The following SCGB3A1 variants were observed in gnomAD, a reference collection of about 807,000 sequenced individuals.
The protein encoded by SCGB3A1 is cytokine HIN-1.
In SCGB3A1, 7 loss-of-function variants were observed where a neutral mutation model predicts 7.6. The observed-to-expected ratio is 0.93, with a 90% CI of 0.53 to 1.74. The LOEUF (loss-of-function observed/expected upper bound fraction) is 1.74. Among genes scored for constraint, SCGB3A1 ranks in the 40% most tolerant of loss-of-function variants. SCGB3A1 has a pLI of 0.00. For synonymous variants in SCGB3A1, 67 were observed against 66.6 expected (o/e 1.01, Z -0.03); for missense variants, 119 against 129.0 (o/e 0.92, Z 0.38).
chr5:180,591,186 T>G, intron 1 of SCGB3A1: 1 of 401,264 alleles, frequency 2.5e-6, no homozygotes, highest in Non-Finnish European at 4.3e-6. Context: ...CAGACGGGTG[T>G]CCCCAGGCCA....
At position 180,591,241 on chromosome 5, in the gene SCGB3A1, G is replaced by C. The variant is rs575858555; in HGVS notation, c.52+170C>G. The stretch of plus-strand genomic sequence containing the variant: ...CACGAGGCTGGAGACAGCCCTGAGA[G>C]GGGGAGGCCGCGGGCTGCAGGCGCG... On this transcript the variant is annotated intron_variant, in intron 1 of 2. Coordinates refer to ENST00000292641, the MANE Select transcript of SCGB3A1 (RefSeq NM_052863.3). 3.5e-3 allele frequency: 1,613 copies of C among 458,146 alleles called. 3 individuals carry two copies. The highest frequency in any genetic ancestry group is 0.01 in the South Asian group (87 of 8,612). The allele number at this position is 458,146 out of a possible 1,614,324, so 28.4% of individuals were successfully genotyped here. A position where few individuals can be genotyped will look rare whatever the true frequency, so the allele number is the denominator to read the frequency against.
chr5:180,591,263 C>CGCGGGGCCCCGGGGTG (rs1183507099), intron 1 of SCGB3A1, 148 bp downstream of exon 1: 2 of 585,252 alleles, frequency 3.4e-6, no homozygotes, highest in Non-Finnish European at 2.5e-6. Context: ...GGGCTGCAGG[C>CGCGGGGCCCCGGGGTG]GCGGGGCCCC....
At position 180,590,841 on chromosome 5, in the gene SCGB3A1, G is replaced by A. The variant is rs369844606; in HGVS notation, c.53-3C>T. On this transcript the variant is annotated splice_polypyrimidine_tract_variant and splice_region_variant and intron_variant, in intron 1 of 2. Transcript: ENST00000292641. ...CGAGCCCACTAAGAAAGCAGCAGCT[G>A]CAAGCGAACAGGGAGGGGTCACCGC... 9 of 1,601,448 alleles carry A rather than the reference G, an allele frequency of 5.6e-6. No homozygotes were observed. In the East Asian group the frequency reaches 6.8e-5, roughly 12 times the overall value.
At position 180,590,581 on chromosome 5, in the gene SCGB3A1, C is replaced by G. The variant is rs1164726009; in HGVS notation, c.291+19G>C. On this transcript the variant is annotated intron_variant, in intron 2 of 2. Transcript: ENST00000292641. ...AAGGGATGCCCGCGCAGGAAGGGCA[C>G]CCGGGGTGCCCACTTTACCAGCAGG... 2 of 1,588,034 alleles carry G rather than the reference C, an allele frequency of 1.3e-6. No homozygotes were observed. Among genetic ancestry groups the G allele is most frequent in the Admixed American group, 1.7e-5 (1 of 57,542 alleles).
chr5:180,590,536 C>T, intron 2 of SCGB3A1, 64 bp downstream of exon 2: 1 of 1,315,954 alleles, frequency 7.6e-7, no homozygotes, highest in Non-Finnish European at 1.1e-6. Context: ...ACCTCTGGTG[C>T]AGTTTTGAGG....
chr5:180,590,717 C>T lies in SCGB3A1; in HGVS notation c.174G>A (p.Lys58=). ...ANPLGTLNPL[K]LLLSSLGIPV... ...GGATGCCCAGGCTGCTCAGCAGGAGCTTCAGCGGGTTGAGGGTGCCGAGGG... is the reference window on the plus strand; with the variant it reads ...GGATGCCCAGGCTGCTCAGCAGGAGTTTCAGCGGGTTGAGGGTGCCGAGGG... Residue 58 remains lysine, a synonymous_variant, in exon 2 of 3, where the codon AAG becomes AAA. Transcript: ENST00000292641. The T allele has an allele frequency of 6.3e-7, 1 of 1,583,568 alleles. No homozygotes were observed. Among genetic ancestry groups the T allele is most frequent in the Non-Finnish European group, 8.6e-7 (1 of 1,164,932 alleles).
rs1761294186 is a variant in SCGB3A1 at position 180,590,602 on chromosome 5, G to T, written c.289C>A (p.Leu97Met). Residue 97 changes from leucine (L) to methionine (M), a missense_variant and splice_region_variant, in exon 2 of 3, where the codon CTG becomes ATG. By Grantham distance (15) the Leu-to-Met change is conservative. Coordinates refer to ENST00000292641, the MANE Select transcript of SCGB3A1 (RefSeq NM_052863.3). ...VGAVKALKAL[L>M]GALTVFG Reference sequence around the variant, plus strand: ...GGCACCCGGGGTGCCCACTTTACCAGCAGGGCCTTCAGGGCCTTCACGGCC... The same window carrying T: ...GGCACCCGGGGTGCCCACTTTACCATCAGGGCCTTCAGGGCCTTCACGGCC... The T allele has an allele frequency of 6.2e-7, 1 of 1,603,422 alleles. No individual in the cohort carries two copies. The highest frequency in any genetic ancestry group is 8.5e-7 in the Non-Finnish European group (1 of 1,175,070).
intron 2 of SCGB3A1, 48 bp downstream of exon 2, chr5:180,590,552 C>T (rs768862456): frequency 6.8e-7 from 1 of 1,472,174 alleles, no homozygotes; most frequent in East Asian, 2.3e-5. Flanking sequence ...TGAGGCTGGC[C>T]GGGAAGGGAT....
intron 1 of SCGB3A1, 26 bp from the exon 2 acceptor site, chr5:180,590,864 C>A: frequency 1.3e-6 from 2 of 1,558,542 alleles, no homozygotes; most frequent in East Asian, 2.3e-5. Flanking sequence ...GAGGGGTCAC[C>A]GCCTGCGCGC....
At position 180,590,737 on chromosome 5, in the gene SCGB3A1, C is replaced by G; in HGVS notation, c.154G>C (p.Gly52Arg). The G allele has an allele frequency of 6.3e-7, 1 of 1,582,620 alleles. No individual in the cohort carries two copies. Among genetic ancestry groups the G allele is most frequent in the Admixed American group, 1.8e-5 (1 of 55,382 alleles). ...AGGAGCTTCAGCGGGTTGAGGGTGC[C>G]GAGGGGGTTGGCCAGGGTCCCGGCC... The part of the protein sequence containing the change: ...AGAGTLANPL[G>R]TLNPLKLLLS... The change falls in exon 2 of 3, where the codon GGC becomes CGC. Residue 52 changes from glycine to arginine, a missense_variant. Gly to Arg is a moderately radical substitution (Grantham distance 125). Transcript: ENST00000292641.
intron 2 of SCGB3A1, 68 bp downstream of exon 2, chr5:180,590,531 TG>T: frequency 7.8e-7 from 1 of 1,277,930 alleles, no homozygotes; most frequent in Non-Finnish European, 1.1e-6. Flanking sequence ...GGGACACCTC[TG>T]GTGCAGTTTT....
Position 180,590,657 on chromosome 5 carries a change from A to G in SCGB3A1, c.234T>C (p.Cys78=), listed in dbSNP as rs78499018. The G allele has an allele frequency of 1.6e-4, 261 of 1,597,636 alleles. 1 individual carries two copies. The East Asian group carries it at 5.9e-3, about 36-fold the overall frequency. ...VNHLIEGSQK[C]VAELGPQAVG... ...CGGCCTGGGGACCCAGCTCAGCCAC[A>G]CACTTCTGGGAGCCCTCTATGAGGT... Residue 78 remains cysteine, a synonymous_variant, in exon 2 of 3, where the codon TGT becomes TGC. Coordinates refer to ENST00000292641, the MANE Select transcript of SCGB3A1 (RefSeq NM_052863.3).
At position 180,590,676 on chromosome 5, in the gene SCGB3A1, A is replaced by G; in HGVS notation, c.215T>C (p.Ile72Thr). 6.3e-7 allele frequency: 1 copy of G among 1,591,606 alleles called. No homozygotes were observed. Among genetic ancestry groups the G allele is most frequent in the Non-Finnish European group, 8.6e-7 (1 of 1,169,104 alleles). ...AGCCACACACTTCTGGGAGCCCTCT[A>G]TGAGGTGGTTCACGGGGATGCCCAG... ...SSLGIPVNHLIEGSQKCVAEL... is the reference protein window; with the variant it reads ...SSLGIPVNHLTEGSQKCVAEL... Residue 72 changes from isoleucine to threonine, a missense_variant, in exon 2 of 3, where the codon ATA (isoleucine) becomes ACA (threonine). Ile to Thr is a moderately conservative substitution (Grantham distance 89). Transcript: ENST00000292641.
In SCGB3A1 at chr5:180,590,593, A is replaced by G; in HGVS notation, c.291+7T>C. 1.2e-6 allele frequency: 2 copies of G among 1,600,606 alleles called. No homozygotes were observed. The highest frequency in any genetic ancestry group is 1.1e-5 in the South Asian group (1 of 89,156). ...CGCAGGAAGGGCACCCGGGGTGCCC[A>G]CTTTACCAGCAGGGCCTTCAGGGCC... On this transcript the variant is annotated splice_region_variant and intron_variant, in intron 2 of 2. Transcript: ENST00000292641.
intron 2 of SCGB3A1, 126 bp downstream of exon 2, chr5:180,590,474 G>C (rs1183901887): frequency 1.0e-6 from 1 of 953,950 alleles, no homozygotes; most frequent in East Asian, 2.6e-5. Context: ...TTCTCCCAGG[G>C]ACAGGGCTTG....
Position 180,590,170 on chromosome 5 carries a change from G to C in SCGB3A1, c.*61C>G. 6.4e-7 allele frequency: 1 copy of C among 1,553,742 alleles called. No individual in the cohort carries two copies. The highest frequency in any genetic ancestry group is 8.7e-7 in the Non-Finnish European group (1 of 1,144,566). ...GATGGACGGTCCTCCCCGCGGCGGG[G>C]TTTTCAGCCCTCGCGGGTGGGCAGC... is the stretch of plus-strand genomic sequence containing the variant. On this transcript the variant is annotated 3_prime_UTR_variant, in exon 3 of 3. Transcript: ENST00000292641.
chr5:180,590,379 C>A, intron 2 of SCGB3A1, 125 bp from the exon 3 acceptor site: 5 of 1,291,392 alleles, frequency 3.9e-6, no homozygotes, highest in Non-Finnish European at 5.4e-6. Context: ...CTCCGGGGGA[C>A]GCGCACCCGC....
chr5:180,590,516 G>C lies in SCGB3A1; in HGVS notation c.291+84C>G, dbSNP rs1761292127. 10 of 1,148,302 alleles carry C rather than the reference G, an allele frequency of 8.7e-6. No homozygotes were observed. In the South Asian group the frequency reaches 1.5e-4, roughly 17 times the overall value. The allele number at this position is 1,148,302 out of a possible 1,614,324, so 71.1% of individuals were successfully genotyped here. A position where few individuals can be genotyped will look rare whatever the true frequency, so the allele number is the denominator to read the frequency against. On this transcript the variant is annotated intron_variant, in intron 2 of 2. Transcript: ENST00000292641. ...CAGGACGGGAAACAGCCCTGACGTA[G>C]GGCCGGGACACCTCTGGTGCAGTTT...
At chr5:180,590,396 C>A in intron 2 of SCGB3A1, 142 bp from the exon 3 acceptor site, 1 of 1,155,722 alleles carries the variant, frequency 8.7e-7, no homozygotes, top group African/African-American at 1.5e-5. Flanking sequence ...CCGCGCGGGG[C>A]CATCTCCGCC....
Sources: gnomAD v4.1 joint callset for allele counts on GRCh38, gnomAD v4.1.1 for gene constraint, MANE v1.5 for transcripts, NCBI Gene and HGNC (gene_info 2026-07-23, HGNC 2026-07-21) for gene names.